Variants in CCDC13 observed in about 807,000 individuals in gnomAD.
CCDC13 encodes the protein coiled-coil domain containing 13, also known as coiled-coil domain-containing protein 13.
CCDC13 carries 70 observed loss-of-function variants against 87.3 expected under a neutral mutation model. The ratio of observed to expected loss-of-function variants is 0.80; its 90% CI spans 0.66 to 0.98. The LOEUF (loss-of-function observed/expected upper bound fraction) is 0.98. Ranked by LOEUF, CCDC13 falls within the 50% of genes least tolerant of loss-of-function variation. CCDC13 has a pLI of 0.00. For missense variants in CCDC13, 842 were observed against 892.0 expected, an observed-to-expected ratio of 0.94 and a Z score of 0.71; for synonymous variants, 317 against 360.3, an observed-to-expected ratio of 0.88 and a Z score of 1.36.
chr3:42,743,384 ATATTTATTTATT>A lies in CCDC13; in HGVS notation c.826-339_826-328del, dbSNP rs66840281. On this transcript the variant is annotated intron_variant, in intron 7 of 15. Coordinates refer to ENST00000310232, the MANE Select transcript of CCDC13 (RefSeq NM_144719.4). Reference sequence around the variant, plus strand: ...ATGGCAGGTCTCAGTTCAAGAAAGAATATTTATTTATTTATTTATTTATTTATTTATTTATTT... The same window carrying A: ...ATGGCAGGTCTCAGTTCAAGAAAGAATATTTATTTATTTATTTATTTATTT... Among the ~76,000 whole-genome samples the A allele has an allele frequency of 4.4e-3, 574 of 131,778 alleles. 5 individuals carry two copies. The South Asian group carries it at 0.055, about 13-fold the overall frequency. 86.5% of individuals were successfully genotyped at this position (131,778 alleles called of 152,430 possible). A position where few individuals can be genotyped will look rare whatever the true frequency, so the allele number is the denominator to read the frequency against.
chr3:42,719,919 T>TCC (rs1698521670), intron 13 of CCDC13, among the ~76,000 whole-genome samples: 1 of 152,246 alleles, frequency 6.6e-6, no homozygotes, highest in Admixed American at 6.5e-5. Flanking sequence ...AAGCATAATG[T>TCC]CTTTTAGTTC....
Position 42,733,567 on chromosome 3 carries a change from C to T in CCDC13, c.1414G>A (p.Glu472Lys), listed in dbSNP as rs771883543. Reference protein sequence around the residue: ...KGVGEGSSGREVSPAYTQFLE... With the variant: ...KGVGEGSSGRKVSPAYTQFLE... ...AACTGGGTATAGGCAGGGCTGACCT[C>T]GCGGCCACTGGACCCCTCACCCACT... The change falls in exon 11 of 16, where the codon GAG (glutamate) becomes AAG (lysine). Residue 472 changes from glutamate to lysine, a missense_variant. Transcript: ENST00000310232. 2 of 1,613,260 alleles carry T rather than the reference C, an allele frequency of 1.2e-6. No homozygotes were observed. Among genetic ancestry groups the T allele is most frequent in the Non-Finnish European group, 1.7e-6 (2 of 1,179,570 alleles).
At chr3:42,750,525 T>G (rs1025652640) in intron 5 of CCDC13, among the ~76,000 whole-genome samples, 1 of 152,226 alleles carries the variant, frequency 6.6e-6, no homozygotes, top group Non-Finnish European at 1.5e-5. Context: ...TGGAGTGCAG[T>G]GGCGCTATCT....
intron 5 of CCDC13, among the ~76,000 whole-genome samples, chr3:42,751,489 A>C (rs185631760): frequency 6.6e-6 from 1 of 152,346 alleles, no homozygotes; most frequent in East Asian, 1.9e-4. Context: ...CTGCCCCATA[A>C]AGAACAGGAT....
chr3:42,749,164 G>A lies in CCDC13; in HGVS notation c.604-1791C>T, dbSNP rs550632279. ...GCCTGCCTCTTCTCCTGTTGAATGT[G>A]TGGCTTTGAATCTGCCCTGGGTTGG... On this transcript the variant is annotated intron_variant, in intron 5 of 15. Coordinates refer to ENST00000310232, the MANE Select transcript of CCDC13 (RefSeq NM_144719.4). Among the ~76,000 whole-genome samples the A allele has an allele frequency of 2.6e-5, 4 of 152,248 alleles. No homozygotes were observed. In the East Asian group the frequency reaches 7.7e-4, roughly 29 times the overall value.
At chr3:42,725,297 C>T (rs1698662093) in intron 13 of CCDC13, among the ~76,000 whole-genome samples, 1 of 151,974 alleles carries the variant, frequency 6.6e-6, no homozygotes. Flanking sequence ...TTTGATTCAG[C>T]CATTTCTTTT....
chr3:42,770,134 T>TA (rs1700033508), intron 1 of CCDC13, among the ~76,000 whole-genome samples: 2 of 152,260 alleles, frequency 1.3e-5, no homozygotes, highest in Admixed American at 6.5e-5. Flanking sequence ...CTCCTGAGTC[T>TA]AGTGGGGACT....
At chr3:42,744,395 C>T (rs1000957130) in intron 7 of CCDC13, among the ~76,000 whole-genome samples, 12 of 152,176 alleles carry the variant, frequency 7.9e-5, no homozygotes, top group East Asian at 3.9e-4. Flanking sequence ...AAGCACAATT[C>T]GCTAGGCTCC....
intron 1 of CCDC13, among the ~76,000 whole-genome samples, chr3:42,763,200 T>A (rs1354523083): frequency 6.6e-6 from 1 of 152,260 alleles, no homozygotes; most frequent in Non-Finnish European, 1.5e-5. Flanking sequence ...AATAGCTGGC[T>A]GCCTGTGATT....
At chr3:42,755,104 G>A (rs927258725) in intron 3 of CCDC13, among the ~76,000 whole-genome samples, 1 of 152,210 alleles carries the variant, frequency 6.6e-6, no homozygotes, top group Non-Finnish European at 1.5e-5. Flanking sequence ...CCTGAATGGT[G>A]GTAAAGTTTC....
chr3:42,733,932 C>T (rs1698914106), intron 10 of CCDC13, among the ~76,000 whole-genome samples: 1 of 152,198 alleles, frequency 6.6e-6, no homozygotes, highest in African/African-American at 2.4e-5. Context: ...GGGTCCGCTT[C>T]TCCAGGCGGC....
At position 42,737,470 on chromosome 3, in the gene CCDC13, A is replaced by G. The variant is rs531392821; in HGVS notation, c.1165-1557T>C. Among the ~76,000 whole-genome samples, 792 of 152,326 alleles carry G rather than the reference A, an allele frequency of 5.2e-3. 8 individuals are homozygous for G. The highest frequency in any genetic ancestry group is 0.018 in the African/African-American group (747 of 41,572). On this transcript the variant is annotated intron_variant, in intron 9 of 15. Transcript: ENST00000310232. ...GATCAAATGGTATTTCTAGTTCTAGATCCTTGAGGAATCGCCACACTGTCT... is the reference window on the plus strand; with the variant it reads ...GATCAAATGGTATTTCTAGTTCTAGGTCCTTGAGGAATCGCCACACTGTCT...
chr3:42,728,689 T>C (rs1163185644), intron 13 of CCDC13, among the ~76,000 whole-genome samples: 4 of 152,104 alleles, frequency 2.6e-5, no homozygotes, highest in Admixed American at 2.6e-4. Flanking sequence ...GTACCTGGGT[T>C]CCCTTTTCTT....
At chr3:42,747,406 T>A in intron 5 of CCDC13, 33 bp from the exon 6 acceptor site, 1 of 1,416,344 alleles carries the variant, frequency 7.1e-7, no homozygotes. Flanking sequence ...AAAGTAGTCA[T>A]TTATTGCCTA....
chr3:42,772,522 TTC>T (rs1230949656), intron 1 of CCDC13, among the ~76,000 whole-genome samples: 1 of 152,156 alleles, frequency 6.6e-6, no homozygotes, highest in East Asian at 1.9e-4. Context: ...TCCCCTCTCC[TTC>T]TCTTTCTTCT....
chr3:42,743,198 G>T (rs1575310319), intron 7 of CCDC13, 141 bp from the exon 8 acceptor site: 1 of 857,954 alleles, frequency 1.2e-6, no homozygotes, highest in East Asian at 2.5e-5. Flanking sequence ...GGAGGACTAG[G>T]GGTGGGGGAC....
At chr3:42,764,088 T>G (rs1176271505) in intron 1 of CCDC13, among the ~76,000 whole-genome samples, 1 of 152,204 alleles carries the variant, frequency 6.6e-6, no homozygotes, top group Non-Finnish European at 1.5e-5. Flanking sequence ...TAGAAAGGAA[T>G]ATCTGGGTTA....
chr3:42,717,065 G>C (rs1383101342), intron 13 of CCDC13, among the ~76,000 whole-genome samples: 9 of 152,222 alleles, frequency 5.9e-5, no homozygotes. Flanking sequence ...AAATAAGCCA[G>C]ACACGAAAGG....
chr3:42,758,041 G>C, intron 2 of CCDC13, 84 bp downstream of exon 2: 2 of 1,189,124 alleles, frequency 1.7e-6, no homozygotes, highest in African/African-American at 1.5e-5. Flanking sequence ...CATTTTACAA[G>C]TTTTGCTATA....
Sources: gnomAD v4.1 joint callset for allele counts (sites outside exome capture counted in the v4.1 genomes callset) on GRCh38, gnomAD v4.1.1 for gene constraint, MANE v1.5 for transcripts, NCBI Gene and HGNC (gene_info 2026-07-23, HGNC 2026-07-21) for gene names.